The following PCDH15 variants were observed in gnomAD, a reference collection of about 807,000 sequenced individuals.
The protein encoded by PCDH15 is protocadherin related 15.
Under a neutral mutation model 178.5 loss-of-function variants are expected in PCDH15, and 129 were observed. The ratio of observed to expected loss-of-function variants is 0.72; its 90% CI spans 0.63 to 0.84. PCDH15 has a LOEUF of 0.84. Among genes scored for constraint, PCDH15 ranks in the 40% least tolerant of loss-of-function variants. PCDH15 has a pLI of 0.00. For synonymous variants in PCDH15, 800 were observed against 732.0 expected (o/e 1.09, Z -1.50); for missense variants, 2,230 against 2,099.9 (o/e 1.06, Z -1.21).
intron 18 of PCDH15, among the ~76,000 whole-genome samples, chr10:54,062,770 C>CG (rs1028012173): frequency 4.3e-5 from 3 of 70,162 alleles, no homozygotes; most frequent in African/African-American, 1.7e-4. Context: ...CTAGGAAAAG[C>CG]GGGAAAAAAA....
chr10:55,022,256 C>G (rs551552841), intron 2 of PCDH15, among the ~76,000 whole-genome samples: 1 of 152,000 alleles, frequency 6.6e-6, no homozygotes, highest in East Asian at 1.9e-4. Context: ...AGTTCAAGAC[C>G]AGCCTGGCCA....
intron 2 of PCDH15, among the ~76,000 whole-genome samples, chr10:55,485,961 G>T (rs1005969160): frequency 1.3e-5 from 2 of 151,588 alleles, no homozygotes; most frequent in South Asian, 4.1e-4. Context: ...TGTATTTCTA[G>T]GCTAGGTGAG....
At chr10:54,294,023 G>A (rs974582307) in intron 8 of PCDH15, among the ~76,000 whole-genome samples, 4 of 152,164 alleles carry the variant, frequency 2.6e-5, no homozygotes, top group African/African-American at 7.2e-5. Context: ...GCACACGTAT[G>A]TTTATTGCAG....
At chr10:54,618,617 TAGAC>T (rs1177205668) in intron 2 of PCDH15, among the ~76,000 whole-genome samples, 1 of 152,092 alleles carries the variant, frequency 6.6e-6, no homozygotes, top group Non-Finnish European at 1.5e-5. Context: ...TGTATGTAAA[TAGAC>T]ATACATATTC....
At chr10:55,342,265 C>A (rs1245008268) in intron 2 of PCDH15, among the ~76,000 whole-genome samples, 2 of 151,540 alleles carry the variant, frequency 1.3e-5, no homozygotes, top group Non-Finnish European at 2.9e-5. Flanking sequence ...ATTGGGAAAT[C>A]ATTATTTGAA....
At position 54,927,079 on chromosome 10, in the gene PCDH15, A is replaced by G. The variant is rs114085524; in HGVS notation, c.-79-29579T>C. Among the ~76,000 whole-genome samples, 814 of 152,092 alleles carry G rather than the reference A, an allele frequency of 5.4e-3. 13 individuals carry two copies. Among genetic ancestry groups the G allele is most frequent in the African/African-American group, 0.019 (784 of 41,512 alleles). ...CAACTTTTTGATGTGAGCATTTAGT[A>G]CTATAAATTTCCCTCTTAACACTGC... is the stretch of plus-strand genomic sequence containing the variant. On this transcript the variant is annotated intron_variant, in intron 2 of 5. Transcript: ENST00000458638.
intron 2 of PCDH15, among the ~76,000 whole-genome samples, chr10:54,933,840 T>C (rs1837840987): frequency 6.6e-6 from 1 of 152,114 alleles, no homozygotes; most frequent in Admixed American, 6.6e-5. Context: ...GAAAGCTGTG[T>C]AAAGTAAAAT....
chr10:54,881,913 A>G (rs944300261), intron 3 of PCDH15, among the ~76,000 whole-genome samples: 11 of 152,172 alleles, frequency 7.2e-5, no homozygotes, highest in Non-Finnish European at 1.3e-4. Flanking sequence ...AAGTTTAAAT[A>G]TTATATACAG....
At position 54,992,342 on chromosome 10, in the gene PCDH15, C is replaced by T. The variant is rs114240015; in HGVS notation, c.-79-94842G>A. 6.2e-3 allele frequency among the ~76,000 whole-genome samples: 943 copies of T among 152,214 alleles called. 14 individuals are homozygous for T. The highest frequency in any genetic ancestry group is 0.022 in the African/African-American group (896 of 41,526). ...TTGATCCAAGCTGAGGCAATAACTT[C>T]GTAACGAAGGATACGAGGATGAGCA... On this transcript the variant is annotated intron_variant, in intron 2 of 5. Coordinates refer to the PCDH15 transcript ENST00000458638.
chr10:54,604,078 TCA>T (rs2092650035), intron 2 of PCDH15, among the ~76,000 whole-genome samples: 1 of 151,730 alleles, frequency 6.6e-6, no homozygotes, highest in Non-Finnish European at 1.5e-5. Flanking sequence ...TATTTGTGAA[TCA>T]TATGGTTTCT....
At chr10:54,304,436 C>T (rs1328360289) in intron 8 of PCDH15, among the ~76,000 whole-genome samples, 1 of 151,846 alleles carries the variant, frequency 6.6e-6, no homozygotes, top group African/African-American at 2.4e-5. Context: ...GAGAGTATAC[C>T]AATGATTGCA....
intron 30 of PCDH15, among the ~76,000 whole-genome samples, chr10:53,830,780 A>G (rs2076969150): frequency 6.6e-6 from 1 of 152,240 alleles, no homozygotes; most frequent in Non-Finnish European, 1.5e-5. Context: ...AAACTCTGGC[A>G]AAGCACCCAG....
chr10:55,144,757 C>T (rs1838455888), intron 2 of PCDH15, among the ~76,000 whole-genome samples: 1 of 152,012 alleles, frequency 6.6e-6, no homozygotes, highest in South Asian at 2.1e-4. Flanking sequence ...TTTAAACAAA[C>T]AGGGTTATAT....
chr10:54,735,673 A>G (rs11004525), intron 1 of PCDH15, among the ~76,000 whole-genome samples: 29 of 123,616 alleles, frequency 2.3e-4, no homozygotes, highest in Non-Finnish European at 4.0e-4. Flanking sequence ...ACACCATGGA[A>G]TACTATGCAG....
intron 8 of PCDH15, among the ~76,000 whole-genome samples, chr10:54,291,333 G>C (rs933771984): frequency 9.2e-5 from 14 of 152,116 alleles, no homozygotes; most frequent in Non-Finnish European, 1.8e-4. Context: ...ATGTGTAGAG[G>C]GAAATTTATA....
rs148941879 is a variant in PCDH15, at chr10:55,471,207, G to C, written c.-156+156418C>G. On this transcript the variant is annotated intron_variant, in intron 2 of 5. Transcript: ENST00000613346. ...ATACTGTTACTCTTTTTCCCCTAAA[G>C]TTTCTTGACTAAATTTATAGATTCA... Among the ~76,000 whole-genome samples the C allele has an allele frequency of 4.5e-3, 682 of 152,134 alleles. 4 individuals are homozygous for C. The highest frequency in any genetic ancestry group is 0.019 in the South Asian group (91 of 4,820).
chr10:54,074,675 TTG>T (rs533488376), intron 17 of PCDH15, among the ~76,000 whole-genome samples: 77 of 152,326 alleles, frequency 5.1e-4, no homozygotes, highest in African/African-American at 1.7e-3. Flanking sequence ...CAAATATCTC[TTG>T]GAGACTCTGC....
intron 2 of PCDH15, among the ~76,000 whole-genome samples, chr10:54,981,889 C>T (rs905969854): frequency 4.6e-5 from 7 of 152,088 alleles, no homozygotes; most frequent in Non-Finnish European, 1.0e-4. Context: ...AATCCTCCCA[C>T]CACAGCCTCC....
intron 3 of PCDH15, among the ~76,000 whole-genome samples, chr10:54,811,326 C>A (rs527332652): frequency 6.6e-6 from 1 of 151,944 alleles, no homozygotes; most frequent in Non-Finnish European, 1.5e-5. Context: ...AGCACTGATG[C>A]GGTGTTTGAT....
Sources: gnomAD v4.1 joint callset for allele counts (sites outside exome capture counted in the v4.1 genomes callset) on GRCh38, gnomAD v4.1.1 for gene constraint, MANE v1.5 for transcripts, NCBI Gene and HGNC (gene_info 2026-07-23, HGNC 2026-07-21) for gene names.